Variants in AUTS2 observed in about 807,000 individuals in gnomAD.
The protein encoded by AUTS2 is activator of transcription and developmental regulator AUTS2.
A neutral mutation model predicts 112.4 loss-of-function variants in AUTS2; 17 were observed. The ratio of observed to expected loss-of-function variants is 0.15; its 90% CI spans 0.10 to 0.23. AUTS2 has a LOEUF of 0.23. Ranked by LOEUF, AUTS2 falls within the 10% of genes least tolerant of loss-of-function variation. AUTS2 has a pLI of 1.00. For synonymous variants in AUTS2, 751 were observed against 702.7 expected (o/e 1.07, Z -1.09); for missense variants, 1,510 against 1,701.6 (o/e 0.89, Z 1.98).
chr7:69,907,577 G>A (rs1035222456), intron 2 of AUTS2, among the ~76,000 whole-genome samples: 6 of 151,984 alleles, frequency 3.9e-5, no homozygotes, highest in Non-Finnish European at 8.8e-5. Flanking sequence ...TTATTATATT[G>A]CATTGTTTAG....
chr7:69,630,378 T>C (rs1794172574), intron 1 of AUTS2, among the ~76,000 whole-genome samples: 1 of 152,236 alleles, frequency 6.6e-6, no homozygotes. Flanking sequence ...GAGTCGGAAC[T>C]TGTCAGGAAG....
intron 5 of AUTS2, among the ~76,000 whole-genome samples, chr7:70,507,733 G>A (rs562082277): frequency 6.6e-6 from 1 of 152,200 alleles, no homozygotes; most frequent in East Asian, 1.9e-4. Flanking sequence ...GGAGGCAGAG[G>A]TTGCACTGAG....
At chr7:69,760,025 AC>A (rs1412498079) in intron 1 of AUTS2, among the ~76,000 whole-genome samples, 1 of 151,762 alleles carries the variant, frequency 6.6e-6, no homozygotes, top group African/African-American at 2.4e-5. Context: ...AAAATGAAAA[AC>A]CATTTTTTTC....
intron 5 of AUTS2, among the ~76,000 whole-genome samples, chr7:70,495,770 G>A (rs930908152): frequency 3.3e-4 from 16 of 49,052 alleles, no homozygotes; most frequent in South Asian, 7.2e-4. Flanking sequence ...CACACACCAC[G>A]TACACAGTCA....
intron 4 of AUTS2, among the ~76,000 whole-genome samples, chr7:70,252,515 T>C (rs1460115057): frequency 6.6e-6 from 1 of 152,188 alleles, no homozygotes; most frequent in South Asian, 2.1e-4. Context: ...ATATTAAATA[T>C]ATGGTTTGCA....
In AUTS2 at chr7:70,485,683, A is replaced by G. The variant is rs552257283; in HGVS notation, c.690+49902A>G. Among the ~76,000 whole-genome samples the G allele has an allele frequency of 5.8e-3, 847 of 146,660 alleles. 12 individuals carry two copies. Among genetic ancestry groups the G allele is most frequent in the African/African-American group, 0.021 (780 of 36,526 alleles). ...GTATCTCTGGTTTCACGAGACTCAT[A>G]TGTGTGTTTCCTCAAAACCACTGTG... On this transcript the variant is annotated intron_variant, in intron 5 of 18. Coordinates refer to ENST00000342771, the MANE Select transcript of AUTS2 (RefSeq NM_015570.4).
At chr7:70,783,639 G>A (rs1791242424) in intron 15 of AUTS2, 1 of 152,226 alleles carries the variant, frequency 6.6e-6, no homozygotes, top group South Asian at 2.1e-4. Context: ...AGCATAAGCA[G>A]TATGGGATTC....
chr7:70,072,733 A>G (rs1221149710), intron 2 of AUTS2, among the ~76,000 whole-genome samples: 1 of 152,136 alleles, frequency 6.6e-6, no homozygotes, highest in Non-Finnish European at 1.5e-5. Flanking sequence ...CATGGCTGTC[A>G]TTTGCTTTAT....
chr7:70,676,440 A>AAGAG (rs144253423), intron 5 of AUTS2, among the ~76,000 whole-genome samples: 131 of 150,408 alleles, frequency 8.7e-4, no homozygotes, highest in Middle Eastern at 3.4e-3. Context: ...TCAAAAAATA[A>AAGAG]AGAGAGAGAG....
At chr7:69,806,002 C>T (rs553970196) in intron 1 of AUTS2, among the ~76,000 whole-genome samples, 7 of 151,904 alleles carry the variant, frequency 4.6e-5, no homozygotes, top group African/African-American at 1.7e-4. Context: ...TAGGCTCACA[C>T]GATTCCCCCA....
At chr7:70,015,748 C>G (rs1463499435) in intron 2 of AUTS2, among the ~76,000 whole-genome samples, 1 of 151,738 alleles carries the variant, frequency 6.6e-6, no homozygotes, top group Non-Finnish European at 1.5e-5. Context: ...CTGGTCATGG[C>G]TCAGGGAAAT....
chr7:69,865,109 T>G (rs1362110605), intron 1 of AUTS2, among the ~76,000 whole-genome samples: 5 of 152,040 alleles, frequency 3.3e-5, no homozygotes, highest in Non-Finnish European at 5.9e-5. Context: ...GTAGGTTTTT[T>G]TTTTTTTTTT....
intron 2 of AUTS2, among the ~76,000 whole-genome samples, chr7:70,107,094 G>A (rs911145214): frequency 6.6e-6 from 1 of 152,038 alleles, no homozygotes; most frequent in Non-Finnish European, 1.5e-5. Context: ...TCAAATGCCA[G>A]GATGAAGACT....
intron 5 of AUTS2, among the ~76,000 whole-genome samples, chr7:70,666,022 G>A (rs568757784): frequency 7.2e-5 from 11 of 152,152 alleles, no homozygotes; most frequent in Non-Finnish European, 1.2e-4. Context: ...GGAGCTTACT[G>A]ACAAGTGGAA....
chr7:70,551,292 G>T (rs1286950672), intron 5 of AUTS2, among the ~76,000 whole-genome samples: 1 of 152,078 alleles, frequency 6.6e-6, no homozygotes, highest in Non-Finnish European at 1.5e-5. Flanking sequence ...CCAGGTAGTG[G>T]CTCCTTCCCA....
intron 2 of AUTS2, among the ~76,000 whole-genome samples, chr7:69,899,701 T>C (rs1442825026): frequency 6.6e-6 from 1 of 152,244 alleles, no homozygotes; most frequent in Non-Finnish European, 1.5e-5. Flanking sequence ...AACTTCAGCA[T>C]GGTGCCCTTT....
intron 5 of AUTS2, among the ~76,000 whole-genome samples, chr7:70,665,597 A>G (rs1807303181): frequency 6.6e-6 from 1 of 152,124 alleles, no homozygotes; most frequent in African/African-American, 2.4e-5. Flanking sequence ...CACCACACCC[A>G]GGCAGAAACA....
intron 1 of AUTS2, among the ~76,000 whole-genome samples, chr7:69,806,523 G>A (rs1790315968): frequency 6.6e-6 from 1 of 152,070 alleles, no homozygotes; most frequent in African/African-American, 2.4e-5. Context: ...CTGGAGTGCA[G>A]CGGTGCCATC....
chr7:70,001,146 G>C (rs1737069177), intron 2 of AUTS2, among the ~76,000 whole-genome samples: 1 of 152,148 alleles, frequency 6.6e-6, no homozygotes, highest in Admixed American at 6.6e-5. Flanking sequence ...TTCTTTCTCA[G>C]ACAGAGTCTC....
Sources: gnomAD v4.1 joint callset for allele counts (sites outside exome capture counted in the v4.1 genomes callset) on GRCh38, gnomAD v4.1.1 for gene constraint, MANE v1.5 for transcripts, NCBI Gene and HGNC (gene_info 2026-07-23, HGNC 2026-07-21) for gene names.